Variants in ERBB4 observed in about 807,000 individuals in gnomAD.
The protein encoded by ERBB4 is erb-b2 receptor tyrosine kinase 4.
In ERBB4, 42 loss-of-function variants were observed where a neutral mutation model predicts 158.0. That is an observed-to-expected ratio of 0.27 (90% CI 0.21 to 0.34). The LOEUF is 0.34. ERBB4 is among the 10% of genes least tolerant of loss of function. The pLI, the probability that ERBB4 is intolerant of heterozygous loss-of-function variation, is 1.00. For missense variants in ERBB4, 1,333 were observed against 1,624.1 expected, an observed-to-expected ratio of 0.82 and a Z score of 3.08; for synonymous variants, 583 against 558.7, an observed-to-expected ratio of 1.04 and a Z score of -0.61.
chr2:211,654,373 C>T (rs889466867), intron 16 of ERBB4, among the ~76,000 whole-genome samples: 19 of 152,086 alleles, frequency 1.2e-4, no homozygotes, highest in African/African-American at 3.4e-4. Flanking sequence ...TCTAAATAGG[C>T]GTTAATGAAA....
chr2:212,526,214 A>G (rs1369599297), intron 1 of ERBB4, among the ~76,000 whole-genome samples: 1 of 152,040 alleles, frequency 6.6e-6, no homozygotes, highest in Non-Finnish European at 1.5e-5. Flanking sequence ...GTGAAATAGC[A>G]TGTATCGGAT....
chr2:212,472,542 A>T (rs1278888441), intron 1 of ERBB4, among the ~76,000 whole-genome samples: 1 of 151,878 alleles, frequency 6.6e-6, no homozygotes, highest in East Asian at 1.9e-4. Flanking sequence ...ATTAAAAAAA[A>T]AACCTACCTT....
At chr2:211,574,435 A>G (rs1431930641) in intron 19 of ERBB4, among the ~76,000 whole-genome samples, 1 of 152,226 alleles carries the variant, frequency 6.6e-6, no homozygotes, top group Admixed American at 6.5e-5. Flanking sequence ...ATAATAATCA[A>G]TAACAATATG....
At chr2:211,417,636 G>GTAAT (rs1470792678) in intron 25 of ERBB4, among the ~76,000 whole-genome samples, 1 of 152,138 alleles carries the variant, frequency 6.6e-6, no homozygotes, top group African/African-American at 2.4e-5. Context: ...CTTTAAAGTT[G>GTAAT]TAATTTATCA....
intron 1 of ERBB4, among the ~76,000 whole-genome samples, chr2:212,515,164 A>G (rs554085237): frequency 2.6e-4 from 40 of 152,338 alleles, no homozygotes; most frequent in Middle Eastern, 3.4e-3. Context: ...CAGTGCTTTG[A>G]CTACACAGAA....
chr2:211,868,845 C>T (rs977898827), intron 3 of ERBB4, among the ~76,000 whole-genome samples: 2 of 152,074 alleles, frequency 1.3e-5, no homozygotes, highest in African/African-American at 2.4e-5. Context: ...TCATTGATTT[C>T]TAAAATAATG....
intron 3 of ERBB4, among the ~76,000 whole-genome samples, chr2:211,816,536 G>A (rs1240750624): frequency 3.9e-4 from 33 of 85,166 alleles, no homozygotes; most frequent in African/African-American, 1.6e-3. Flanking sequence ...GCGAGAGCCC[G>A]TCTCAAAAAA....
Position 212,506,332 on chromosome 2 carries a change from T to A in ERBB4, c.82+32117A>T, listed in dbSNP as rs768348185. Among the ~76,000 whole-genome samples, 11 of 148,636 alleles carry A rather than the reference T, an allele frequency of 7.4e-5. 2 individuals are homozygous for A. Among genetic ancestry groups the A allele is most frequent in the South Asian group, 4.3e-4 (2 of 4,658 alleles). ...TAATAACCATACAATGGTCTTTAAG[T>A]GTTCAAGTAAAAAGAATTGCATGTC... On this transcript the variant is annotated intron_variant, in intron 1 of 27. Transcript: ENST00000342788.
intron 1 of ERBB4, among the ~76,000 whole-genome samples, chr2:212,444,420 C>A (rs1254393519): frequency 2.0e-5 from 3 of 152,126 alleles, no homozygotes; most frequent in Non-Finnish European, 4.4e-5. Flanking sequence ...GCTGGATTGT[C>A]AGGGACTTAG....
intron 3 of ERBB4, among the ~76,000 whole-genome samples, chr2:211,856,572 A>G (rs1194987738): frequency 2.0e-5 from 3 of 151,792 alleles, no homozygotes; most frequent in Admixed American, 1.3e-4. Flanking sequence ...TATTTTCAGT[A>G]GAGACGGGGT....
intron 1 of ERBB4, among the ~76,000 whole-genome samples, chr2:212,400,677 T>A (rs1454096623): frequency 6.6e-6 from 1 of 152,140 alleles, no homozygotes; most frequent in Non-Finnish European, 1.5e-5. Context: ...ACTGAAGCTA[T>A]TGAGGAGAGC....
At chr2:211,465,854 C>G (rs1347232072) in intron 20 of ERBB4, among the ~76,000 whole-genome samples, 1 of 152,064 alleles carries the variant, frequency 6.6e-6, no homozygotes, top group African/African-American at 2.4e-5. Flanking sequence ...GGGAGCAAAT[C>G]CCCTGGCAAC....
At chr2:212,410,718 A>G (rs2091472177) in intron 1 of ERBB4, among the ~76,000 whole-genome samples, 1 of 152,090 alleles carries the variant, frequency 6.6e-6, no homozygotes, top group Non-Finnish European at 1.5e-5. Context: ...TATGTATTAT[A>G]AATAGTTATA....
intron 1 of ERBB4, among the ~76,000 whole-genome samples, chr2:212,426,811 A>G (rs1354653310): frequency 6.6e-6 from 1 of 152,084 alleles, no homozygotes; most frequent in Non-Finnish European, 1.5e-5. Context: ...TGGCCCACCC[A>G]CAAAGTAAAT....
chr2:211,387,270 G>GT, intron 26 of ERBB4, 120 bp from the exon 27 acceptor site: 5 of 893,302 alleles, frequency 5.6e-6, no homozygotes, highest in South Asian at 4.2e-5. Flanking sequence ...AGTATTTACT[G>GT]GTTTTTTTTC....
In ERBB4 at chr2:211,381,668, G is replaced by A. The variant is rs563977750; in HGVS notation, c.*1947C>T. On this transcript the variant is annotated 3_prime_UTR_variant, in exon 28 of 28. Transcript: ENST00000342788. ...AGACACAGTTAGATAAAGGAGGTTT[G>A]GATGGATGGATGGATGGATTTACTT... The A allele has an allele frequency of 4.3e-4, 98 of 230,172 alleles. No individual in the cohort carries two copies. The highest frequency in any genetic ancestry group is 8.4e-4 in the African/African-American group (38 of 45,270). The allele number at this position is 230,172 out of a possible 1,614,324, so 14.3% of individuals were successfully genotyped here.
At chr2:212,255,951 C>A (rs1229142750) in intron 1 of ERBB4, among the ~76,000 whole-genome samples, 2 of 151,536 alleles carry the variant, frequency 1.3e-5, no homozygotes, top group Admixed American at 1.3e-4. Context: ...CTCCTGAGTA[C>A]CTGGGACTAC....
intron 1 of ERBB4, among the ~76,000 whole-genome samples, chr2:212,133,030 T>A (rs1233625116): frequency 6.6e-6 from 1 of 152,072 alleles, no homozygotes; most frequent in Non-Finnish European, 1.5e-5. Flanking sequence ...CACTAACTCC[T>A]TCCTTGGGAG....
chr2:212,150,718 T>A (rs1340125386), intron 1 of ERBB4, among the ~76,000 whole-genome samples: 1 of 152,216 alleles, frequency 6.6e-6, no homozygotes, highest in Non-Finnish European at 1.5e-5. Context: ...TTGGTTTGGC[T>A]GTGCAAAATT....
Sources: allele counts gnomAD v4.1 joint callset (sites outside exome capture counted in the v4.1 genomes callset), GRCh38; gene constraint gnomAD v4.1.1; transcripts MANE v1.5; gene names NCBI Gene and HGNC (gene_info 2026-07-23, HGNC 2026-07-21).